Variants in STARD13 observed in about 807,000 individuals in gnomAD.
STARD13 encodes the protein StAR related lipid transfer domain containing 13.
In STARD13, 62 loss-of-function variants were observed where a neutral mutation model predicts 106.4. The ratio of observed to expected loss-of-function variants is 0.58; its 90% CI spans 0.48 to 0.72. The LOEUF is 0.72. STARD13 is among the 30% of genes least tolerant of loss of function. STARD13 has a pLI of 0.00. For missense variants in STARD13, 1,387 were observed against 1,424.0 expected, an observed-to-expected ratio of 0.97 and a Z score of 0.42; for synonymous variants, 565 against 553.0, an observed-to-expected ratio of 1.02 and a Z score of -0.31.
chr13:33,224,701 A>G (rs1473861430), intron 1 of STARD13, among the ~76,000 whole-genome samples: 2 of 152,364 alleles, frequency 1.3e-5, no homozygotes, highest in East Asian at 3.9e-4. Context: ...TTACATTAGA[A>G]TATTTTGTCA....
the STARD13 span, among the ~76,000 whole-genome samples, chr13:33,634,751 C>G: frequency 3.3e-5 from 5 of 152,174 alleles, no homozygotes; most frequent in Admixed American, 3.3e-4. Flanking sequence ...TCTCCTACTT[C>G]TCTCTCGCTT....
the STARD13 span, among the ~76,000 whole-genome samples, chr13:33,618,161 G>C: frequency 2.6e-5 from 4 of 152,134 alleles, no homozygotes; most frequent in South Asian, 6.2e-4. Context: ...TCCCATAAAA[G>C]TATTAACTCT....
At position 33,120,669 on chromosome 13, in the gene STARD13, A is replaced by C. The variant is rs140483649; in HGVS notation, c.2083-2406T>G. Among the ~76,000 whole-genome samples, 156 of 152,330 alleles carry C rather than the reference A, an allele frequency of 1.0e-3. 3 individuals carry two copies. The highest frequency in any genetic ancestry group is 8.8e-3 in the Admixed American group (134 of 15,302). ...AAAAGGTGGTCTCAAATCAGATTCCAGTTATAGTAGCTGAAGATGGCCAAA... is the reference window on the plus strand; with the variant it reads ...AAAAGGTGGTCTCAAATCAGATTCCCGTTATAGTAGCTGAAGATGGCCAAA... On this transcript the variant is annotated intron_variant, in intron 7 of 13. Transcript: ENST00000336934.
At chr13:33,447,849 G>A in the STARD13 span, among the ~76,000 whole-genome samples, 1 of 152,028 alleles carries the variant, frequency 6.6e-6, no homozygotes, top group African/African-American at 2.4e-5. Flanking sequence ...GAAAATAAGA[G>A]AGAAATAAGA....
intron 1 of STARD13, among the ~76,000 whole-genome samples, chr13:33,277,048 G>GAA (rs60224228): frequency 0.32 from 18,533 of 57,484 alleles, 1,244 homozygotes; most frequent in South Asian, 0.46. Flanking sequence ...CTAAGCTTCT[G>GAA]AAAAAAAAAA....
At chr13:33,281,620 T>C (rs1594213418) in intron 1 of STARD13, 1 of 152,144 alleles carries the variant, frequency 6.6e-6, no homozygotes, top group East Asian at 1.9e-4. Flanking sequence ...AGTATAGATA[T>C]ACAATGGAAT....
chr13:33,605,956 C>T, the STARD13 span, among the ~76,000 whole-genome samples: 1 of 152,216 alleles, frequency 6.6e-6, no homozygotes, highest in African/African-American at 2.4e-5. Context: ...TCTCTACATA[C>T]TAGCTGAGCA....
At chr13:33,430,759 T>C in the STARD13 span, among the ~76,000 whole-genome samples, 3 of 152,108 alleles carry the variant, frequency 2.0e-5, no homozygotes, top group Non-Finnish European at 4.4e-5. Flanking sequence ...AATCCTGTCA[T>C]TTGCAGTAAC....
At chr13:33,655,279 G>A in the STARD13 span, among the ~76,000 whole-genome samples, 3 of 152,302 alleles carry the variant, frequency 2.0e-5, no homozygotes, top group African/African-American at 7.2e-5. Flanking sequence ...TAAACATTAT[G>A]CAACTGAAAT....
At chr13:33,386,088 T>G in the STARD13 span, among the ~76,000 whole-genome samples, 5 of 152,154 alleles carry the variant, frequency 3.3e-5, no homozygotes, top group South Asian at 2.1e-4. Flanking sequence ...CACTCTCTTT[T>G]TCAACATTTT....
At chr13:33,209,052 G>T (rs1024360874) in intron 1 of STARD13, among the ~76,000 whole-genome samples, 2 of 152,190 alleles carry the variant, frequency 1.3e-5, no homozygotes, top group African/African-American at 4.8e-5. Flanking sequence ...CAGGAAGTAT[G>T]CCTAGAAGAG....
intron 1 of STARD13, among the ~76,000 whole-genome samples, chr13:33,224,820 G>C (rs966087264): frequency 6.6e-6 from 1 of 152,186 alleles, no homozygotes; most frequent in Non-Finnish European, 1.5e-5. Context: ...CAAATGAGAT[G>C]TAAAACATCA....
chr13:33,561,048 A>G, the STARD13 span, among the ~76,000 whole-genome samples: 3 of 151,698 alleles, frequency 2.0e-5, no homozygotes, highest in South Asian at 6.2e-4. Flanking sequence ...TTGCAGTAAA[A>G]ATGTGTAAGA....
At chr13:33,369,602 A>G in the STARD13 span, among the ~76,000 whole-genome samples, 1 of 152,226 alleles carries the variant, frequency 6.6e-6, no homozygotes, top group African/African-American at 2.4e-5. Context: ...TTTTTCTTCT[A>G]ATCAAATGTC....
At chr13:33,192,261 AAAAC>A (rs1886306432) in intron 1 of STARD13, among the ~76,000 whole-genome samples, 2 of 152,252 alleles carry the variant, frequency 1.3e-5, no homozygotes, top group African/African-American at 4.8e-5. Context: ...CTTAGAAGCT[AAAAC>A]AGTACATCGA....
chr13:33,635,092 G>A, the STARD13 span, among the ~76,000 whole-genome samples: 1 of 152,144 alleles, frequency 6.6e-6, no homozygotes, highest in Non-Finnish European at 1.5e-5. Context: ...GATATGGATC[G>A]CTTACGAAGT....
the STARD13 span, among the ~76,000 whole-genome samples, chr13:33,362,770 CATA>C: frequency 0.012 from 1,754 of 152,332 alleles, 46 homozygotes; most frequent in African/African-American, 0.039. Context: ...CGTATGTCCA[CATA>C]ATATTTTGTG....
At chr13:33,206,941 C>T (rs979702501) in intron 1 of STARD13, among the ~76,000 whole-genome samples, 2 of 152,140 alleles carry the variant, frequency 1.3e-5, no homozygotes, top group African/African-American at 4.8e-5. Flanking sequence ...TGTCCTCGAA[C>T]ATGAAAGGCA....
chr13:33,167,663 C>G (rs9568966), intron 1 of STARD13, 41 bp from the exon 2 acceptor site: 1 of 1,571,948 alleles, frequency 6.4e-7, no homozygotes, highest in Admixed American at 1.7e-5. Flanking sequence ...GTCCCACAGC[C>G]GCACCCTAGT....
Sources: allele counts gnomAD v4.1 joint callset (sites outside exome capture counted in the v4.1 genomes callset), GRCh38; gene constraint gnomAD v4.1.1; transcripts MANE v1.5; gene names NCBI Gene and HGNC (gene_info 2026-07-23, HGNC 2026-07-21).